SOCS5: variants seen among roughly 807,000 people sequenced by gnomAD.
SOCS5 encodes CIS-6.
SOCS5 carries 32 observed loss-of-function variants against 42.8 expected under a neutral mutation model. The observed-to-expected ratio is 0.75, with a 90% CI of 0.56 to 1.01. The LOEUF (loss-of-function observed/expected upper bound fraction) is 1.01, where lower values mean the gene tolerates loss of function less well. SOCS5 is among the 50% of genes least tolerant of loss of function. SOCS5 has a pLI of 0.00. For missense variants in SOCS5, 627 were observed against 653.0 expected, an observed-to-expected ratio of 0.96 and a Z score of 0.43; for synonymous variants, 283 against 229.6, an observed-to-expected ratio of 1.23 and a Z score of -2.10.
intron 1 of SOCS5, among the ~76,000 whole-genome samples, chr2:46,750,016 A>G (rs967442454): frequency 6.6e-6 from 1 of 152,212 alleles, no homozygotes; most frequent in African/African-American, 2.4e-5. Context: ...TATTATTTCT[A>G]TCATCACATC....
At chr2:46,710,049 T>C (rs888938787) in intron 1 of SOCS5, among the ~76,000 whole-genome samples, 1 of 152,234 alleles carries the variant, frequency 6.6e-6, no homozygotes, top group Admixed American at 6.5e-5. Flanking sequence ...CTGATATATG[T>C]AGTCCTCAGA....
intron 1 of SOCS5, among the ~76,000 whole-genome samples, chr2:46,717,587 C>G (rs188786696): frequency 6.6e-6 from 1 of 152,106 alleles, no homozygotes; most frequent in Non-Finnish European, 1.5e-5. Flanking sequence ...TATATTATTT[C>G]TGATGAGAAG....
intron 1 of SOCS5, among the ~76,000 whole-genome samples, chr2:46,757,556 G>T (rs1447303153): frequency 6.6e-6 from 1 of 152,114 alleles, no homozygotes; most frequent in African/African-American, 2.4e-5. Flanking sequence ...CAGGATTAAA[G>T]AATTGGGAAG....
chr2:46,744,422 C>G (rs1673453366), intron 1 of SOCS5, among the ~76,000 whole-genome samples: 1 of 151,870 alleles, frequency 6.6e-6, no homozygotes, highest in Admixed American at 6.6e-5. Flanking sequence ...ATAATACAAA[C>G]CACATATATA....
At chr2:46,737,702 C>G (rs1423129207) in intron 1 of SOCS5, among the ~76,000 whole-genome samples, 1 of 152,138 alleles carries the variant, frequency 6.6e-6, no homozygotes, top group Admixed American at 6.6e-5. Flanking sequence ...TTCACAGACG[C>G]TTTCCCATTG....
rs1673850038 is a variant in SOCS5, at chr2:46,760,795, T to G, written c.*654T>G. The stretch of plus-strand genomic sequence containing the variant: ...AGACTTACAAAGCTAGTAGTAGAAT[T>G]TTATTGAAAGGCCTAGGTATTAATT... On this transcript the variant is annotated 3_prime_UTR_variant, in exon 2 of 2. Transcript: ENST00000394861. 6.0e-6 allele frequency: 1 copy of G among 167,104 alleles called. No homozygotes were observed. 10.4% of individuals were successfully genotyped at this position (167,104 alleles called of 1,614,324 possible).
intron 1 of SOCS5, among the ~76,000 whole-genome samples, chr2:46,728,080 C>G (rs1200437477): frequency 1.3e-5 from 2 of 152,178 alleles, no homozygotes; most frequent in Non-Finnish European, 2.9e-5. Flanking sequence ...TTCCCAGTTT[C>G]TTAAGCCTGA....
chr2:46,705,535 A>G (rs769500028), intron 1 of SOCS5, among the ~76,000 whole-genome samples: 8 of 152,240 alleles, frequency 5.3e-5, no homozygotes, highest in Non-Finnish European at 8.8e-5. Context: ...AGATTACCAG[A>G]CAGGAAAGCG....
At chr2:46,718,510 T>TATGA (rs1462497446) in intron 1 of SOCS5, among the ~76,000 whole-genome samples, 2 of 152,324 alleles carry the variant, frequency 1.3e-5, no homozygotes, top group South Asian at 4.1e-4. Flanking sequence ...TTACCAGTTA[T>TATGA]ATGAACATCA....
chr2:46,702,475 A>C (rs932325647), intron 1 of SOCS5, among the ~76,000 whole-genome samples: 5 of 152,208 alleles, frequency 3.3e-5, no homozygotes, highest in Admixed American at 1.3e-4. Flanking sequence ...TAGAACAAAA[A>C]TATTAATAAT....
At chr2:46,751,586 A>T (rs1673623568) in intron 1 of SOCS5, among the ~76,000 whole-genome samples, 1 of 152,114 alleles carries the variant, frequency 6.6e-6, no homozygotes, top group Non-Finnish European at 1.5e-5. Context: ...TAGATTTTTT[A>T]AAATATTTCT....
chr2:46,749,805 T>C (rs1673585691), intron 1 of SOCS5, among the ~76,000 whole-genome samples: 1 of 152,156 alleles, frequency 6.6e-6, no homozygotes, highest in Non-Finnish European at 1.5e-5. Context: ...TAGGATATAA[T>C]ATGGAAGTTG....
At chr2:46,729,786 T>G (rs1380454473) in intron 1 of SOCS5, among the ~76,000 whole-genome samples, 1 of 152,220 alleles carries the variant, frequency 6.6e-6, no homozygotes, top group Non-Finnish European at 1.5e-5. Flanking sequence ...AAAAATCTCT[T>G]TCTTCAATAA....
Position 46,760,684 on chromosome 2 carries a change from G to A in SOCS5, c.*543G>A, listed in dbSNP as rs571025820. The A allele has an allele frequency of 6.0e-6, 1 of 167,376 alleles. No individual in the cohort carries two copies. The highest frequency in any genetic ancestry group is 2.4e-5 in the African/African-American group (1 of 41,466). The allele number at this position is 167,376 out of a possible 1,614,324, so 10.4% of individuals were successfully genotyped here. ...TAGTGCAGTTCACTTACGTGTTGATGTAGTTTATAATCAGACGCCTTTTCT... is the reference window on the plus strand; with the variant it reads ...TAGTGCAGTTCACTTACGTGTTGATATAGTTTATAATCAGACGCCTTTTCT... On this transcript the variant is annotated 3_prime_UTR_variant, in exon 2 of 2. Transcript: ENST00000394861.
chr2:46,706,633 G>A (rs1672469727), intron 1 of SOCS5, among the ~76,000 whole-genome samples: 1 of 152,180 alleles, frequency 6.6e-6, no homozygotes, highest in South Asian at 2.1e-4. Flanking sequence ...AATTAACAAG[G>A]AAAATATCGT....
intron 1 of SOCS5, among the ~76,000 whole-genome samples, chr2:46,756,536 C>T (rs1476461049): frequency 6.6e-6 from 1 of 152,148 alleles, no homozygotes; most frequent in Non-Finnish European, 1.5e-5. Flanking sequence ...CAGTAATGTT[C>T]AATACAAATA....
At chr2:46,711,590 C>A (rs1391780192) in intron 1 of SOCS5, among the ~76,000 whole-genome samples, 2 of 152,154 alleles carry the variant, frequency 1.3e-5, no homozygotes, top group South Asian at 2.1e-4. Context: ...GTTTTGGTGG[C>A]ATCTTTCGAT....
At chr2:46,737,570 C>T (rs1673280919) in intron 1 of SOCS5, among the ~76,000 whole-genome samples, 1 of 152,086 alleles carries the variant, frequency 6.6e-6, no homozygotes, top group African/African-American at 2.4e-5. Flanking sequence ...GATTTGGGGT[C>T]TGTATTCTAG....
At chr2:46,745,869 A>G (rs1673484358) in intron 1 of SOCS5, among the ~76,000 whole-genome samples, 1 of 152,206 alleles carries the variant, frequency 6.6e-6, no homozygotes, top group East Asian at 1.9e-4. Context: ...CCATTTTTAA[A>G]GAAAGGGTCT....
Sources: gnomAD v4.1 joint callset for allele counts (sites outside exome capture counted in the v4.1 genomes callset) on GRCh38, gnomAD v4.1.1 for gene constraint, MANE v1.5 for transcripts, NCBI Gene and HGNC (gene_info 2026-07-23, HGNC 2026-07-21) for gene names.